PABIR3: variants seen among roughly 807,000 people sequenced by gnomAD.
PABIR3 encodes the protein PABIR family member 1.
A neutral mutation model predicts 23.1 loss-of-function variants in PABIR3; 20 were observed. That is an observed-to-expected ratio of 0.86 (90% CI 0.61 to 1.26). PABIR3 has a LOEUF of 1.26. PABIR3 is among the 50% of genes most tolerant of loss of function. The pLI, the probability that PABIR3 is intolerant of heterozygous loss-of-function variation, is 0.00. For missense variants in PABIR3, 189 were observed against 195.4 expected, an observed-to-expected ratio of 0.97 and a Z score of 0.20; for synonymous variants, 69 against 68.5, an observed-to-expected ratio of 1.01 and a Z score of -0.04.
chrX:134,840,212 CA>C (rs761536062), intron 4 of PABIR3, among the ~76,000 whole-genome samples: 1 of 111,306 alleles, frequency 9.0e-6, no homozygotes, highest in African/African-American at 3.3e-5. Flanking sequence ...CCCAGGGACA[CA>C]AACACTGCGG....
chrX:134,804,164 A>C (rs1159447947), upstream of PABIR3: 22 of 1,119,810 alleles, frequency 2.0e-5, no homozygotes, highest in Non-Finnish European at 2.4e-5. Flanking sequence ...CTAATTGTCA[A>C]GTCTAGATCT....
upstream of PABIR3, among the ~76,000 whole-genome samples, chrX:134,806,341 C>A (rs1009248328): frequency 1.8e-5 from 2 of 111,703 alleles, no homozygotes; most frequent in African/African-American, 6.5e-5. Flanking sequence ...CTGAGGCAGG[C>A]GCGGTGGCTC....
At chrX:134,827,222 C>T (rs1464908878) in intron 3 of PABIR3, among the ~76,000 whole-genome samples, 2 of 111,449 alleles carry the variant, frequency 1.8e-5, no homozygotes, top group Non-Finnish European at 3.8e-5. Flanking sequence ...CCGCCTCCCC[C>T]TCCCGAAGTG....
downstream of PABIR3, among the ~76,000 whole-genome samples, chrX:134,856,089 C>T (rs2082748508): frequency 2.7e-5 from 3 of 112,135 alleles, no homozygotes; most frequent in Admixed American, 1.9e-4. Context: ...AAGACTACCA[C>T]TCAGTTGTAT....
chrX:134,847,556 A>T lies in PABIR3; in HGVS notation c.438+81A>T, dbSNP rs191899233. The T allele has an allele frequency of 4.6e-4, 314 of 689,024 alleles. 2 individuals carry two copies. The African/African-American group carries it at 5.7e-3, about 13-fold the overall frequency. The allele number at this position is 689,024 out of a possible 1,213,427, so 56.8% of individuals were successfully genotyped here. On this transcript the variant is annotated intron_variant, in intron 7 of 10. Coordinates refer to ENST00000645433, the MANE Select transcript of PABIR3 (RefSeq NM_001388447.1). ...GGAACATTAATGGTCACCAAAACAA[A>T]TATTTTGGGGGATATATTTTGTCAC...
chrX:134,799,735 G>A (rs1029632672), intron 1 of PABIR3: 5 of 111,939 alleles, frequency 4.5e-5, no homozygotes, highest in African/African-American at 1.6e-4. Flanking sequence ...GGCCGAGGCA[G>A]GCGGATGACT....
intron 10 of PABIR3, among the ~76,000 whole-genome samples, chrX:134,853,412 A>AT (rs1453220235): frequency 9.0e-6 from 1 of 110,888 alleles, no homozygotes; most frequent in Non-Finnish European, 1.9e-5. Context: ...TATATGGTGG[A>AT]TACATTTTTA....
rs770963975 is a variant in PABIR3 at position 134,810,100 on chromosome X, A to G, written c.110+2392A>G. On this transcript the variant is annotated intron_variant, in intron 2 of 10. Coordinates refer to ENST00000645433, the MANE Select transcript of PABIR3 (RefSeq NM_001388447.1). ...AGGGAGAATGTTGGATTTATTGAAG[A>G]CAATATAAAAAGAAGAAATAGGTTG... 8 of 752,307 alleles carry G rather than the reference A, an allele frequency of 1.1e-5. No homozygotes were observed. In the South Asian group the frequency reaches 4.1e-4, roughly 38 times the overall value. 62.0% of individuals were successfully genotyped at this position (752,307 alleles called of 1,213,427 possible).
chrX:134,836,304 A>T (rs1250847134), intron 4 of PABIR3, among the ~76,000 whole-genome samples: 4 of 112,339 alleles, frequency 3.6e-5, no homozygotes, highest in African/African-American at 1.3e-4. Context: ...ATTCCAAAAG[A>T]TCCGAATGCA....
chrX:134,803,206 G>GGCTGGAGGGA (rs2080110061), upstream of PABIR3, among the ~76,000 whole-genome samples: 1 of 112,170 alleles, frequency 8.9e-6, no homozygotes, highest in South Asian at 3.7e-4. Flanking sequence ...AAGAGGCAGG[G>GGCTGGAGGGA]GCTGGAGGGA....
At chrX:134,808,262 T>C (rs1603138371) in intron 2 of PABIR3, 1 of 294,975 alleles carries the variant, frequency 3.4e-6, no homozygotes, top group Non-Finnish European at 5.9e-6. Flanking sequence ...CGATCTCAGC[T>C]TACTGTAACC....
At chrX:134,819,864 G>A (rs1392345389) in intron 3 of PABIR3, among the ~76,000 whole-genome samples, 1 of 111,548 alleles carries the variant, frequency 9.0e-6, no homozygotes. Context: ...CAACCTGGGT[G>A]ACAGAGTAAG....
At chrX:134,858,008 C>A (rs181523982), downstream of PABIR3, among the ~76,000 whole-genome samples, 719 of 111,005 alleles carry the variant, frequency 6.5e-3, 2 homozygotes, top group African/African-American at 0.022. Flanking sequence ...AATAATGATA[C>A]AAGATAGTCT....
intron 4 of PABIR3, among the ~76,000 whole-genome samples, chrX:134,836,388 G>T (rs184535017): frequency 5.0e-4 from 56 of 112,737 alleles, no homozygotes; most frequent in African/African-American, 1.8e-3. Context: ...TTGTATATTT[G>T]CTCAGGCTGC....
rs763377497 is a variant in PABIR3, at chrX:134,847,342, C to T, written c.346-41C>T. On this transcript the variant is annotated intron_variant, in intron 6 of 10. Coordinates refer to ENST00000645433, the MANE Select transcript of PABIR3 (RefSeq NM_001388447.1). The stretch of plus-strand genomic sequence containing the variant: ...GTATCTCAAGTATTTGATTAATAAG[C>T]AATTGGTGCTACAATTGTACACTGC... The T allele has an allele frequency of 6.9e-6, 7 of 1,014,844 alleles. No homozygotes were observed. The Admixed American group carries it at 1.6e-4, about 23-fold the overall frequency. 83.6% of individuals were successfully genotyped at this position (1,014,844 alleles called of 1,213,427 possible). A position where few individuals can be genotyped will look rare whatever the true frequency, so the allele number is the denominator to read the frequency against.
intron 3 of PABIR3, among the ~76,000 whole-genome samples, chrX:134,825,636 G>T (rs767162877): frequency 9.1e-6 from 1 of 110,306 alleles, no homozygotes; most frequent in Non-Finnish European, 1.9e-5. Context: ...TGAGTTATGC[G>T]CCAGTCAAGA....
chrX:134,847,160 C>T (rs146538953), intron 6 of PABIR3, among the ~76,000 whole-genome samples: 2 of 111,920 alleles, frequency 1.8e-5, no homozygotes, highest in East Asian at 5.7e-4. Context: ...TGGGAAGCCC[C>T]TCAATCACCA....
At chrX:134,797,070 G>A (rs2079893158) in intron 1 of PABIR3, 1 of 113,876 alleles carries the variant, frequency 8.8e-6, no homozygotes, top group African/African-American at 3.2e-5. Context: ...TCCTCTCTCG[G>A]GTTCTAATGG....
At chrX:134,803,582 G>C (rs1002250328), upstream of PABIR3, among the ~76,000 whole-genome samples, 3 of 112,033 alleles carry the variant, frequency 2.7e-5, no homozygotes, top group Non-Finnish European at 3.8e-5. Flanking sequence ...TGAGGGATTT[G>C]TAAGTACTTT....
Sources: gnomAD v4.1 joint callset for allele counts (sites outside exome capture counted in the v4.1 genomes callset) on GRCh38, gnomAD v4.1.1 for gene constraint, MANE v1.5 for transcripts, NCBI Gene and HGNC (gene_info 2026-07-23, HGNC 2026-07-21) for gene names.